ATXN1: variants seen among roughly 807,000 people sequenced by gnomAD.
ATXN1 encodes the protein ataxin-1.
In ATXN1, 8 loss-of-function variants were observed where a neutral mutation model predicts 56.4. That is an observed-to-expected ratio of 0.14 (90% CI 0.08 to 0.26). The LOEUF (loss-of-function observed/expected upper bound fraction) is 0.26, where lower values mean the gene tolerates loss of function less well. ATXN1 is among the 10% of genes least tolerant of loss of function. The pLI, the probability that ATXN1 is intolerant of heterozygous loss-of-function variation, is 1.00. For missense variants in ATXN1, 987 were observed against 1,106.5 expected, an observed-to-expected ratio of 0.89 and a Z score of 1.53; for synonymous variants, 514 against 494.6, an observed-to-expected ratio of 1.04 and a Z score of -0.52.
intron 6 of ATXN1, among the ~76,000 whole-genome samples, chr6:16,379,415 TA>T (rs1762207175): frequency 6.6e-6 from 1 of 152,046 alleles, no homozygotes; most frequent in African/African-American, 2.4e-5. Flanking sequence ...AAAAATAAAA[TA>T]AAAATTTTAA....
intron 5 of ATXN1, among the ~76,000 whole-genome samples, chr6:16,491,070 G>A (rs1245269471): frequency 6.8e-6 from 1 of 146,624 alleles, no homozygotes; most frequent in African/African-American, 2.5e-5. Flanking sequence ...AGCCATGCCA[G>A]AAGTTAGACG....
chr6:16,675,900 A>G, intron 2 of ATXN1, among the ~76,000 whole-genome samples: 1 of 152,100 alleles, frequency 6.6e-6, no homozygotes, highest in East Asian at 1.9e-4. Context: ...AAAAATAAAT[A>G]AATAAATAAA....
At chr6:16,508,862 A>G (rs1761028258) in intron 5 of ATXN1, among the ~76,000 whole-genome samples, 2 of 152,206 alleles carry the variant, frequency 1.3e-5, no homozygotes, top group African/African-American at 4.8e-5. Context: ...GGTGGAAACA[A>G]CCCAAGTGTT....
chr6:16,702,479 T>C (rs138022846), intron 2 of ATXN1, among the ~76,000 whole-genome samples: 1 of 152,048 alleles, frequency 6.6e-6, no homozygotes, highest in African/African-American at 2.4e-5. Context: ...GCCAAAATTG[T>C]CAAATGGGAT....
intron 2 of ATXN1, among the ~76,000 whole-genome samples, chr6:16,685,679 A>G (rs1758902768): frequency 6.6e-6 from 1 of 152,220 alleles, no homozygotes; most frequent in South Asian, 2.1e-4. Context: ...GTTTACAGGT[A>G]ATAAAAATGA....
intron 6 of ATXN1, among the ~76,000 whole-genome samples, chr6:16,473,449 A>G (rs1760261646): frequency 6.6e-6 from 1 of 152,222 alleles, no homozygotes; most frequent in Admixed American, 6.5e-5. Flanking sequence ...TTAATGGGTA[A>G]GCATGGTCCT....
chr6:16,691,230 T>C (rs539445189), intron 2 of ATXN1, among the ~76,000 whole-genome samples: 168 of 152,340 alleles, frequency 1.1e-3, no homozygotes, highest in African/African-American at 4.0e-3. Flanking sequence ...TCGTGTATCA[T>C]GGCAAAGCTC....
intron 4 of ATXN1, among the ~76,000 whole-genome samples, chr6:16,574,449 T>C (rs1035853230): frequency 2.0e-5 from 3 of 152,188 alleles, no homozygotes; most frequent in Admixed American, 1.3e-4. Context: ...CCTCAGGTGA[T>C]CCGCCCGCCT....
intron 2 of ATXN1, among the ~76,000 whole-genome samples, chr6:16,697,498 CT>C (rs1198495710): frequency 6.6e-6 from 1 of 151,828 alleles, no homozygotes; most frequent in African/African-American, 2.4e-5. Context: ...CACTTAAATC[CT>C]TTTTCCCACC....
intron 6 of ATXN1, among the ~76,000 whole-genome samples, chr6:16,460,276 G>A (rs567004279): frequency 7.9e-5 from 12 of 152,274 alleles, no homozygotes; most frequent in African/African-American, 1.9e-4. Flanking sequence ...CAGAGAGAGC[G>A]GGAATAGCTC....
At chr6:16,459,527 C>T (rs932736542) in intron 6 of ATXN1, among the ~76,000 whole-genome samples, 2 of 152,148 alleles carry the variant, frequency 1.3e-5, no homozygotes, top group Admixed American at 6.5e-5. Context: ...GGAAGTAATT[C>T]CTCTATATCC....
chr6:16,684,677 ATTTACTTT>A (rs1449993019), intron 2 of ATXN1, among the ~76,000 whole-genome samples: 51 of 152,290 alleles, frequency 3.3e-4, no homozygotes, highest in African/African-American at 8.7e-4. Flanking sequence ...TGGTCTTTGC[ATTTACTTT>A]CTGAGCATTT....
chr6:16,491,286 T>TA (rs1760657991), intron 5 of ATXN1, among the ~76,000 whole-genome samples: 5 of 122,630 alleles, frequency 4.1e-5, no homozygotes, highest in Non-Finnish European at 6.6e-5. Context: ...TATTTTTTTT[T>TA]TTTTTTTTTT....
chr6:16,530,901 T>C (rs780377126), intron 4 of ATXN1, among the ~76,000 whole-genome samples: 1 of 152,200 alleles, frequency 6.6e-6, no homozygotes, highest in Admixed American at 6.5e-5. Flanking sequence ...TTATTATACA[T>C]AATTTTTTAA....
At chr6:16,747,800 T>C (rs530601057) in intron 2 of ATXN1, among the ~76,000 whole-genome samples, 7 of 146,350 alleles carry the variant, frequency 4.8e-5, no homozygotes, top group African/African-American at 1.7e-4. Flanking sequence ...TCATTCACTG[T>C]TCTAGTGAAG....
chr6:16,330,629 A>T (rs561297150), intron 6 of ATXN1, among the ~76,000 whole-genome samples: 4 of 151,390 alleles, frequency 2.6e-5, no homozygotes, highest in Admixed American at 6.6e-5. Context: ...TCAGTGATCC[A>T]CCCACTTGGC....
At chr6:16,344,004 G>A (rs915781101) in intron 6 of ATXN1, among the ~76,000 whole-genome samples, 2 of 152,152 alleles carry the variant, frequency 1.3e-5, no homozygotes, top group Admixed American at 6.5e-5. Context: ...ATACTCGAGC[G>A]TGCGCATCAC....
intron 2 of ATXN1, among the ~76,000 whole-genome samples, chr6:16,689,193 T>A (rs1758985511): frequency 6.6e-6 from 1 of 152,204 alleles, no homozygotes; most frequent in Non-Finnish European, 1.5e-5. Context: ...GGAACTGCAA[T>A]ACTTGAGTCT....
chr6:16,667,145 C>T (rs1423276353), intron 2 of ATXN1: 1 of 152,148 alleles, frequency 6.6e-6, no homozygotes, highest in Non-Finnish European at 1.5e-5. Context: ...TACCCGCCTT[C>T]TAATAAATAA....
Sources: allele counts gnomAD v4.1 joint callset (sites outside exome capture counted in the v4.1 genomes callset), GRCh38; gene constraint gnomAD v4.1.1; transcripts MANE v1.5; gene names NCBI Gene and HGNC (gene_info 2026-07-23, HGNC 2026-07-21).